Variants in PXN observed in about 807,000 individuals in gnomAD.
The protein encoded by PXN is paxillin, also known as testicular tissue protein Li 134.
In PXN, 61 loss-of-function variants were observed where a neutral mutation model predicts 103.6. The ratio of observed to expected loss-of-function variants is 0.59; its 90% CI spans 0.48 to 0.73. The LOEUF (loss-of-function observed/expected upper bound fraction) is 0.73, where lower values mean the gene tolerates loss of function less well. Among genes scored for constraint, PXN ranks in the 30% least tolerant of loss-of-function variants. PXN has a pLI of 0.00. For missense variants in PXN, 1,274 were observed against 1,460.3 expected, an observed-to-expected ratio of 0.87 and a Z score of 2.08; for synonymous variants, 562 against 607.8, an observed-to-expected ratio of 0.92 and a Z score of 1.11.
In PXN at chr12:120,217,954, T is replaced by A. The variant is rs1883772345; in HGVS notation, c.1717-838A>T. On this transcript the variant is annotated intron_variant, in intron 7 of 14. Coordinates refer to ENST00000637617, the MANE Select transcript of PXN (RefSeq NM_001385981.1). This position sits in a 1 kb window ranked among gnomAD's most constrained non-coding sequence, Gnocchi z 4.1. ...TCTTATTTATATTATTATGCTAATATTATATTATGCTATTATACTTGTTGG... is the reference window on the plus strand; with the variant it reads ...TCTTATTTATATTATTATGCTAATAATATATTATGCTATTATACTTGTTGG... Among the ~76,000 whole-genome samples, 2 of 151,756 alleles carry A rather than the reference T, an allele frequency of 1.3e-5. No individual in the cohort carries two copies. Among genetic ancestry groups the A allele is most frequent in the South Asian group, 4.1e-4 (2 of 4,826 alleles).
chr12:120,224,237 G>C lies in PXN; in HGVS notation c.154C>G (p.Pro52Ala). ...EIAVPPPVPPPPSSEALNGTI... is the reference protein window; with the variant it reads ...EIAVPPPVPPAPSSEALNGTI... ...CCATTGAGGGCCTCGCTGGACGGGG[G>C]TGGGGGGACGGGGGGTGGCACGGCA... The change falls in exon 2 of 15, where the codon CCC becomes GCC. Residue 52 changes from proline to alanine, a missense_variant. Pro to Ala is a conservative substitution (Grantham distance 27, BLOSUM62 -1). Around this residue, in one of 2 missense-constraint regions of PXN, gnomAD observed 1,178 missense variants for 1,309.0 expected, o/e 0.90. Transcript: ENST00000637617. This position sits in a 1 kb window ranked among gnomAD's most constrained non-coding sequence, Gnocchi z 5.0. The C allele has an allele frequency of 6.2e-7, 1 of 1,612,396 alleles. No homozygotes were observed. The highest frequency in any genetic ancestry group is 8.5e-7 in the Non-Finnish European group (1 of 1,178,570).
chr12:120,254,581 C>T (rs1465116579), intron 1 of PXN, among the ~76,000 whole-genome samples: 1 of 151,946 alleles, frequency 6.6e-6, no homozygotes. Flanking sequence ...AATGGAGTCT[C>T]GCTCTGTCAC....
In PXN at chr12:120,219,753, G is replaced by C; in HGVS notation, c.1170C>G (p.Ile390Met). The C allele has an allele frequency of 6.3e-7, 1 of 1,597,576 alleles. No individual in the cohort carries two copies. The highest frequency in any genetic ancestry group is 2.2e-5 in the East Asian group (1 of 44,826). ...QGRDWRHLPTITSELSGAPRC... is the reference protein window; with the variant it reads ...QGRDWRHLPTMTSELSGAPRC... Reference sequence around the variant, plus strand: ...GGGGAGCCCCAGAGAGCTCACTTGTGATGGTCGGCAGGTGCCTCCAATCTC... The same window carrying C: ...GGGGAGCCCCAGAGAGCTCACTTGTCATGGTCGGCAGGTGCCTCCAATCTC... Residue 390 changes from isoleucine (I) to methionine (M), a missense_variant, in exon 7 of 15, where the codon ATC (isoleucine) becomes ATG (methionine). By Grantham distance (10) the Ile-to-Met change is conservative. This residue lies in a region of PXN where 1,178 missense variants were observed against 1,309.0 expected (regional missense o/e 0.90). Coordinates refer to ENST00000637617, the MANE Select transcript of PXN (RefSeq NM_001385981.1). The surrounding 1 kb of genome is among the most constrained non-coding windows in gnomAD (Gnocchi z 6.5).
chr12:120,243,009 G>A (rs547520350), intron 1 of PXN, among the ~76,000 whole-genome samples: 78 of 152,192 alleles, frequency 5.1e-4, no homozygotes, highest in African/African-American at 1.8e-3. Flanking sequence ...CCTAATGACT[G>A]TCCTTGGCCT....
At chr12:120,245,880 A>G (rs1429329971) in intron 1 of PXN, among the ~76,000 whole-genome samples, 1 of 152,156 alleles carries the variant, frequency 6.6e-6, no homozygotes, top group East Asian at 1.9e-4. Flanking sequence ...GTTTCATAAT[A>G]TATGTAGAAA....
In PXN at chr12:120,214,064, G is replaced by A; in HGVS notation, c.2830+72C>T. Reference sequence around the variant, plus strand: ...TGGAGCCACTCTGACTCCAACCTCAGCAGCGTCTCCCACCCCCACCTCCCC... The same window carrying A: ...TGGAGCCACTCTGACTCCAACCTCAACAGCGTCTCCCACCCCCACCTCCCC... On this transcript the variant is annotated intron_variant, in intron 13 of 14. Coordinates refer to ENST00000637617, the MANE Select transcript of PXN (RefSeq NM_001385981.1). This position sits in a 1 kb window ranked among gnomAD's most constrained non-coding sequence, Gnocchi z 5.0. 1 of 1,576,066 alleles carries A rather than the reference G, an allele frequency of 6.3e-7. No individual in the cohort carries two copies. The highest frequency in any genetic ancestry group is 8.6e-7 in the Non-Finnish European group (1 of 1,161,654).
In PXN at chr12:120,222,708, G is replaced by A. The variant is rs1315388411; in HGVS notation, c.536C>T (p.Pro179Leu). 1.9e-6 allele frequency: 3 copies of A among 1,609,172 alleles called. No individual in the cohort carries two copies. Among genetic ancestry groups the A allele is most frequent in the East Asian group, 2.2e-5 (1 of 44,774 alleles). Residue 179 changes from proline (P) to leucine (L), a missense_variant, in exon 5 of 15, where the codon CCC (proline) becomes CTC (leucine). Around this residue, in one of 2 missense-constraint regions of PXN, gnomAD observed 1,178 missense variants for 1,309.0 expected, o/e 0.90. Coordinates refer to ENST00000637617, the MANE Select transcript of PXN (RefSeq NM_001385981.1). This position sits in a 1 kb window ranked among gnomAD's most constrained non-coding sequence, Gnocchi z 4.7. ...GTTAGTCTCTGGGACACCATAGAGG[G>A]GGCTCAGGGCCCCAGGAAGCGGGGG... ...SSPPLPGALS[P>L]LYGVPETNSP...
intron 7 of PXN, among the ~76,000 whole-genome samples, chr12:120,218,055 T>C (rs1883843347): frequency 6.7e-6 from 1 of 149,414 alleles, no homozygotes; most frequent in Non-Finnish European, 1.5e-5. Flanking sequence ...TTTTTTTTTT[T>C]TTTTTTTTGA....
At chr12:120,246,215 C>T (rs936546515) in intron 1 of PXN, among the ~76,000 whole-genome samples, 2 of 151,842 alleles carry the variant, frequency 1.3e-5, no homozygotes, top group Non-Finnish European at 2.9e-5. Flanking sequence ...AGTGAGATTC[C>T]GTCTCTACAA....
chr12:120,262,164 CT>C (rs1893979247), intron 1 of PXN, among the ~76,000 whole-genome samples: 1 of 152,138 alleles, frequency 6.6e-6, no homozygotes, highest in African/African-American at 2.4e-5. Context: ...CTCTGCCCCC[CT>C]AGCACTACCC....
rs767466857 is a variant in PXN at position 120,211,646 on chromosome 12, C to T, written c.*668G>A. 2.7e-4 allele frequency: 80 copies of T among 296,770 alleles called. No individual in the cohort carries two copies. In the Admixed American group the frequency reaches 2.9e-3, roughly 11 times the overall value. The allele number at this position is 296,770 out of a possible 1,614,324, so 18.4% of individuals were successfully genotyped here. On this transcript the variant is annotated 3_prime_UTR_variant, in exon 15 of 15. Transcript: ENST00000637617. Reference sequence around the variant, plus strand: ...GTGTCCAGGCACGCCGTCCCGGAGACGGAGGAAGTGACTAGAAAACATTAT... The same window carrying T: ...GTGTCCAGGCACGCCGTCCCGGAGATGGAGGAAGTGACTAGAAAACATTAT...
At position 120,215,618 on chromosome 12, in the gene PXN, G is replaced by A. The variant is rs775200782; in HGVS notation, c.2345C>T (p.Ala782Val). 1.7e-5 allele frequency: 27 copies of A among 1,611,802 alleles called. No homozygotes were observed. Among genetic ancestry groups the A allele is most frequent in the East Asian group, 1.3e-4 (6 of 44,864 alleles). Residue 782 changes from alanine (A) to valine (V), a missense_variant, in exon 10 of 15, where the codon GCG becomes GTG. By Grantham distance (64) the Ala-to-Val change is moderately conservative. Transcript: ENST00000637617. This position sits in a 1 kb window ranked among gnomAD's most constrained non-coding sequence, Gnocchi z 4.9. ...CCCGCCGTCCCGAGGCCAGCCGGCC[G>A]CCCAGCACCGCTCCCCATCCGCTCT... The part of the protein sequence containing the change: ...EQRADGERCW[A>V]AGWPRDGGRS...
In PXN at chr12:120,212,538, C is replaced by T. The variant is rs370330317; in HGVS notation, c.3022G>A (p.Asp1008Asn). 40 of 1,613,444 alleles carry T rather than the reference C, an allele frequency of 2.5e-5. No individual in the cohort carries two copies. Among genetic ancestry groups the T allele is most frequent in the Middle Eastern group, 1.6e-4 (1 of 6,080 alleles). Residue 1008 changes from aspartate to asparagine, a missense_variant, in exon 15 of 15, where the codon GAC becomes AAC. By Grantham distance (23) the Asp-to-Asn change is conservative. Coordinates refer to ENST00000637617, the MANE Select transcript of PXN (RefSeq NM_001385981.1). This position sits in a 1 kb window ranked among gnomAD's most constrained non-coding sequence, Gnocchi z 7.2. The stretch of plus-strand genomic sequence containing the variant: ...TGCACCTCACAGTAGGGCTGCCCGT[C>T]GTGCTCGAAGAAGCTGCCGTTCACG... ...PFVNGSFFEH[D>N]GQPYCEVHYH... is the part of the protein sequence containing the mutation.
chr12:120,245,959 AT>A (rs2136561881), intron 1 of PXN, among the ~76,000 whole-genome samples: 1 of 152,322 alleles, frequency 6.6e-6, no homozygotes, highest in South Asian at 2.1e-4. Context: ...GTATGGTATG[AT>A]TTGAAGGCAG....
intron 1 of PXN, among the ~76,000 whole-genome samples, chr12:120,232,892 A>T (rs769987712): frequency 1.1e-4 from 17 of 152,022 alleles, no homozygotes; most frequent in Middle Eastern, 3.2e-3. Flanking sequence ...CCCTTTTTTC[A>T]GGCAGCAAGG....
rs1886002898 is a variant in PXN at position 120,223,838 on chromosome 12, GAGA to G, written c.241-8_241-6del. On this transcript the variant is annotated splice_polypyrimidine_tract_variant and splice_region_variant and intron_variant, in intron 2 of 14. Coordinates refer to ENST00000637617, the MANE Select transcript of PXN (RefSeq NM_001385981.1). The stretch of plus-strand genomic sequence containing the variant: ...CACAGGTGATGAGGACTGAGGCTGC[GAGA>G]AGGAGAATGCTCAGAGGCTACCCCG... 2.5e-6 allele frequency: 4 copies of G among 1,577,482 alleles called. No individual in the cohort carries two copies. Among genetic ancestry groups the G allele is most frequent in the Non-Finnish European group, 2.6e-6 (3 of 1,155,278 alleles).
rs1880579292 is a variant in PXN at position 120,212,615 on chromosome 12, C to T, written c.2980-35G>A. ...GGAGAGAGGGGCTCAGGGAGCTGCC[C>T]CTCGGGCTAGAGCTGCACCCTGTGT... On this transcript the variant is annotated intron_variant, in intron 14 of 14. Transcript: ENST00000637617. This position sits in a 1 kb window ranked among gnomAD's most constrained non-coding sequence, Gnocchi z 7.2. The T allele has an allele frequency of 1.3e-6, 2 of 1,595,968 alleles. No individual in the cohort carries two copies. The highest frequency in any genetic ancestry group is 1.7e-6 in the Non-Finnish European group (2 of 1,171,386).
At position 120,221,726 on chromosome 12, in the gene PXN, C is replaced by T; in HGVS notation, c.728G>A (p.Ser243Asn). 1.3e-6 allele frequency: 2 copies of T among 1,573,364 alleles called. No homozygotes were observed. Among genetic ancestry groups the T allele is most frequent in the African/African-American group, 1.3e-5 (1 of 74,176 alleles). Residue 243 changes from serine (S) to asparagine (N), a missense_variant, in exon 6 of 15, where the codon AGC becomes AAC. Physicochemically the swap from Ser to Asn is conservative, Grantham distance 46. This residue lies in a region of PXN where 1,178 missense variants were observed against 1,309.0 expected (regional missense o/e 0.90). Coordinates refer to ENST00000637617, the MANE Select transcript of PXN (RefSeq NM_001385981.1). The surrounding 1 kb of genome is among the most constrained non-coding windows in gnomAD (Gnocchi z 6.6). ...PAITVNQGEMSSPQRVTSTQQ... is the reference protein window; with the variant it reads ...PAITVNQGEMNSPQRVTSTQQ... ...GGTGGAGGTGACGCGCTGCGGGCTG[C>T]TCATCTCGCCCTGGTTCACAGTGAT...
rs1157468034 is a variant in PXN at position 120,224,818 on chromosome 12, A to G, written c.14-441T>C. Reference sequence around the variant, plus strand: ...GCCAGGCCCTCACTTGATTTCTAAGAGCTTAGGCTTTCCCAGCCCCCGACT... The same window carrying G: ...GCCAGGCCCTCACTTGATTTCTAAGGGCTTAGGCTTTCCCAGCCCCCGACT... On this transcript the variant is annotated intron_variant, in intron 1 of 14. Coordinates refer to ENST00000637617, the MANE Select transcript of PXN (RefSeq NM_001385981.1). The surrounding 1 kb of genome is among the most constrained non-coding windows in gnomAD (Gnocchi z 5.0). 1 of 440,512 alleles carries G rather than the reference A, an allele frequency of 2.3e-6. No individual in the cohort carries two copies. The highest frequency in any genetic ancestry group is 4.6e-6 in the Non-Finnish European group (1 of 216,864). The allele number at this position is 440,512 out of a possible 1,614,324, so 27.3% of individuals were successfully genotyped here.
Sources: allele counts gnomAD v4.1 joint callset (sites outside exome capture counted in the v4.1 genomes callset), GRCh38; gene constraint gnomAD v4.1.1; regional missense constraint gnomAD v4.1.1; non-coding constraint Gnocchi (gnomAD v3.1); transcripts MANE v1.5; gene names NCBI Gene and HGNC (gene_info 2026-07-23, HGNC 2026-07-21).